SPAG16: variants seen among roughly 807,000 people sequenced by gnomAD.
The protein encoded by SPAG16 is sperm associated antigen 16.
Under a neutral mutation model 80.4 loss-of-function variants are expected in SPAG16, and 86 were observed. That is an observed-to-expected ratio of 1.07 (90% CI 0.90 to 1.28). The LOEUF is 1.28. SPAG16 is among the 50% of genes most tolerant of loss of function. SPAG16 has a pLI of 0.00. For synonymous variants in SPAG16, 294 were observed against 265.9 expected (o/e 1.11, Z -1.03); for missense variants, 870 against 765.3 (o/e 1.14, Z -1.61).
At chr2:213,333,865 C>A (rs1470496988) in intron 5 of SPAG16, among the ~76,000 whole-genome samples, 2 of 151,646 alleles carry the variant, frequency 1.3e-5, no homozygotes, top group Admixed American at 6.6e-5. Flanking sequence ...AATGAAATTC[C>A]TAAGAGAAAA....
At chr2:213,350,762 C>T (rs970859542) in intron 7 of SPAG16, 117 bp downstream of exon 7, 196 of 594,146 alleles carry the variant, frequency 3.3e-4, no homozygotes, top group South Asian at 8.5e-5. Flanking sequence ...AACCAACTTT[C>T]ATGTAAAAGA....
At chr2:213,320,421 C>T (rs2063567374) in intron 5 of SPAG16, among the ~76,000 whole-genome samples, 1 of 151,918 alleles carries the variant, frequency 6.6e-6, no homozygotes, top group Non-Finnish European at 1.5e-5. Context: ...GGGAACATTT[C>T]AAATCTAACT....
intron 15 of SPAG16, among the ~76,000 whole-genome samples, chr2:214,343,216 T>C (rs977251647): frequency 3.3e-5 from 5 of 152,148 alleles, no homozygotes; most frequent in African/African-American, 9.7e-5. Flanking sequence ...ATCTTATATA[T>C]GGAGGAATTA....
chr2:214,083,950 A>G (rs1022524990), intron 13 of SPAG16, among the ~76,000 whole-genome samples: 5 of 151,882 alleles, frequency 3.3e-5, no homozygotes, highest in African/African-American at 9.7e-5. Context: ...GTCCTTCCTC[A>G]TAGCAATTCC....
At chr2:213,464,973 G>A in intron 9 of SPAG16, among the ~76,000 whole-genome samples, 1 of 152,106 alleles carries the variant, frequency 6.6e-6, no homozygotes, top group East Asian at 1.9e-4. Flanking sequence ...CAGATTAGAG[G>A]GGCCTCAAGT....
At chr2:213,444,897 G>A (rs932871342) in intron 9 of SPAG16, among the ~76,000 whole-genome samples, 2 of 151,988 alleles carry the variant, frequency 1.3e-5, no homozygotes, top group Non-Finnish European at 2.9e-5. Context: ...TAGACATATA[G>A]ACTAATATTA....
intron 10 of SPAG16, among the ~76,000 whole-genome samples, chr2:213,815,934 C>A (rs2072505456): frequency 6.6e-6 from 1 of 151,926 alleles, no homozygotes; most frequent in African/African-American, 2.4e-5. Context: ...GGACTGTAGG[C>A]TAATTGGAAC....
At chr2:213,800,291 T>C (rs1395357358) in intron 10 of SPAG16, among the ~76,000 whole-genome samples, 1 of 151,898 alleles carries the variant, frequency 6.6e-6, no homozygotes, top group Non-Finnish European at 1.5e-5. Context: ...CTTGTCTCCC[T>C]ATATTTCCCT....
intron 10 of SPAG16, among the ~76,000 whole-genome samples, chr2:213,533,212 CAT>C (rs2076130781): frequency 6.6e-6 from 1 of 152,104 alleles, no homozygotes; most frequent in African/African-American, 2.4e-5. Flanking sequence ...AACACTAATT[CAT>C]ATATGTGTGT....
At chr2:213,876,728 T>C (rs1271296062) in intron 11 of SPAG16, among the ~76,000 whole-genome samples, 3 of 152,198 alleles carry the variant, frequency 2.0e-5, no homozygotes, top group Non-Finnish European at 2.9e-5. Flanking sequence ...ATCTTTGTTA[T>C]GGTTATTGGC....
chr2:214,105,180 A>G (rs1371401844), intron 13 of SPAG16, among the ~76,000 whole-genome samples: 1 of 152,132 alleles, frequency 6.6e-6, no homozygotes, highest in Non-Finnish European at 1.5e-5. Flanking sequence ...CATGCGGAGA[A>G]TGAATCTGAG....
intron 10 of SPAG16, among the ~76,000 whole-genome samples, chr2:213,640,989 C>G (rs1574607300): frequency 6.6e-6 from 1 of 152,240 alleles, no homozygotes; most frequent in South Asian, 2.1e-4. Context: ...ATGGATAGGG[C>G]TATAGAGCTT....
At chr2:213,718,266 C>T (rs1434722852) in intron 10 of SPAG16, among the ~76,000 whole-genome samples, 1 of 152,004 alleles carries the variant, frequency 6.6e-6, no homozygotes, top group Non-Finnish European at 1.5e-5. Flanking sequence ...CTCATAATCA[C>T]TGGTCACTAG....
chr2:214,396,448 G>T (rs923109324), intron 15 of SPAG16, among the ~76,000 whole-genome samples: 11 of 152,020 alleles, frequency 7.2e-5, no homozygotes, highest in African/African-American at 2.7e-4. Context: ...TGACTACATG[G>T]TAATAATGGT....
chr2:213,985,144 G>T (rs1235720795), intron 12 of SPAG16, among the ~76,000 whole-genome samples: 2 of 152,052 alleles, frequency 1.3e-5, no homozygotes, highest in African/African-American at 2.4e-5. Flanking sequence ...GTAGAAAATA[G>T]AAGTTCCTCA....
intron 10 of SPAG16, among the ~76,000 whole-genome samples, chr2:213,677,651 TCC>T (rs938875975): frequency 1.3e-5 from 2 of 151,992 alleles, no homozygotes; most frequent in African/African-American, 4.8e-5. Flanking sequence ...AGAATTAGAC[TCC>T]CACACATTAA....
intron 10 of SPAG16, among the ~76,000 whole-genome samples, chr2:213,510,090 A>T (rs1372825297): frequency 6.6e-6 from 1 of 152,002 alleles, no homozygotes; most frequent in Non-Finnish European, 1.5e-5. Context: ...ATTCCTTGAG[A>T]TTTATCCTGG....
intron 10 of SPAG16, among the ~76,000 whole-genome samples, chr2:213,566,667 A>G (rs2059779151): frequency 6.6e-6 from 1 of 152,202 alleles, no homozygotes; most frequent in Non-Finnish European, 1.5e-5. Context: ...TAGAATTTTT[A>G]ATTATTTTTG....
At chr2:213,864,500 G>C (rs1008747951) in intron 11 of SPAG16, among the ~76,000 whole-genome samples, 2 of 151,980 alleles carry the variant, frequency 1.3e-5, no homozygotes, top group African/African-American at 4.8e-5. Flanking sequence ...TCTGGGCTCT[G>C]GTTGATTCTG....
Sources: allele counts gnomAD v4.1 joint callset (sites outside exome capture counted in the v4.1 genomes callset), GRCh38; gene constraint gnomAD v4.1.1; transcripts MANE v1.5; gene names NCBI Gene and HGNC (gene_info 2026-07-23, HGNC 2026-07-21).